Variants in KAT6B observed in about 807,000 individuals in gnomAD.
KAT6B encodes the protein histone acetyltransferase KAT6B.
KAT6B carries 10 observed loss-of-function variants against 187.5 expected under a neutral mutation model. The ratio of observed to expected loss-of-function variants is 0.05; its 90% confidence interval spans 0.03 to 0.09. KAT6B has a LOEUF of 0.09. Among genes scored for constraint, KAT6B ranks in the 10% least tolerant of loss-of-function variants. The pLI is 1.00. For synonymous variants in KAT6B, 861 were observed against 926.8 expected, an observed-to-expected ratio of 0.93 and a Z score of 1.29; for missense variants, 1,952 against 2,558.9, an observed-to-expected ratio of 0.76 and a Z score of 5.12.
Position 74,949,278 on chromosome 10 carries a change from G to A in KAT6B, c.622-10692G>A, listed in dbSNP as rs903420051. Among the ~76,000 whole-genome samples the A allele has an allele frequency of 3.3e-5, 5 of 152,174 alleles. 1 individual carries two copies. The highest frequency in any genetic ancestry group is 3.3e-4 in the Admixed American group (5 of 15,272). The stretch of plus-strand genomic sequence containing the variant: ...TCAGAAGATAAATCCAATACCTGCA[G>A]TTTCTAATGGCAGAAGTGGAGGAGA... On this transcript the variant is annotated intron_variant, in intron 3 of 17. Transcript: ENST00000287239.
At chr10:75,019,520 G>C (rs1845223145) in intron 13 of KAT6B, among the ~76,000 whole-genome samples, 1 of 152,204 alleles carries the variant, frequency 6.6e-6, no homozygotes, top group African/African-American at 2.4e-5. Flanking sequence ...GAAGAAAAAT[G>C]CTGAAGATTT....
chr10:74,933,002 C>T (rs1417704764), intron 3 of KAT6B, among the ~76,000 whole-genome samples: 1 of 152,200 alleles, frequency 6.6e-6, no homozygotes, highest in Non-Finnish European at 1.5e-5. Flanking sequence ...CAAGGAAAGA[C>T]TTTCTGCATA....
intron 3 of KAT6B, among the ~76,000 whole-genome samples, chr10:74,853,542 C>T (rs1056891143): frequency 3.3e-5 from 5 of 151,996 alleles, no homozygotes; most frequent in Admixed American, 6.6e-5. Context: ...AGTTCACACA[C>T]CTCGGCCTCC....
intron 3 of KAT6B, among the ~76,000 whole-genome samples, chr10:74,886,667 C>T (rs1845297717): frequency 6.6e-6 from 1 of 152,188 alleles, no homozygotes; most frequent in African/African-American, 2.4e-5. Flanking sequence ...ACATAGGCTG[C>T]ATCTGCTCCT....
At chr10:74,976,456 C>T (rs1315166331) in intron 8 of KAT6B, 126 bp downstream of exon 8, 2 of 807,364 alleles carry the variant, frequency 2.5e-6, no homozygotes, top group Non-Finnish European at 4.1e-6. Flanking sequence ...GTTCTCACTT[C>T]ACTTTCATAC....
At chr10:74,930,330 G>A (rs1031476506) in intron 3 of KAT6B, among the ~76,000 whole-genome samples, 6 of 152,162 alleles carry the variant, frequency 3.9e-5, no homozygotes, top group African/African-American at 9.7e-5. Context: ...TGAAGACAAC[G>A]TATTAAAGTT....
In KAT6B at chr10:74,959,857, T is replaced by G; in HGVS notation, c.622-113T>G. On this transcript the variant is annotated intron_variant, in intron 3 of 17. Coordinates refer to ENST00000287239, the MANE Select transcript of KAT6B (RefSeq NM_012330.4). ...TAAATACGTTATTTAGCAGTTTTTC[T>G]TTGTTAAAGAAAGAAGAAGCTTTAA... The G allele has an allele frequency of 4.0e-6, 3 of 742,198 alleles. No individual in the cohort carries two copies. In the South Asian group the frequency reaches 4.7e-5, roughly 12 times the overall value. 46.0% of individuals were successfully genotyped at this position (742,198 alleles called of 1,614,324 possible).
At chr10:74,940,274 T>C (rs1047133049) in intron 3 of KAT6B, among the ~76,000 whole-genome samples, 8 of 150,820 alleles carry the variant, frequency 5.3e-5, no homozygotes, top group East Asian at 3.9e-4. Context: ...TACATATTTT[T>C]CCCCTTTTTT....
rs181112055 is a variant in KAT6B, at chr10:75,017,890, C to G, written c.2630-2692C>G. On this transcript the variant is annotated intron_variant, in intron 13 of 17. Coordinates refer to ENST00000287239, the MANE Select transcript of KAT6B (RefSeq NM_012330.4). The stretch of plus-strand genomic sequence containing the variant: ...GAAATGTATCTTTGTTCATTTTGAT[C>G]GTTTTGATGGATTCTGTTTTCTCTT... Among the ~76,000 whole-genome samples the G allele has an allele frequency of 2.3e-3, 356 of 152,320 alleles. 1 individual carries two copies. Among genetic ancestry groups the G allele is most frequent in the Non-Finnish European group, 4.1e-3 (280 of 68,032 alleles).
At position 74,989,055 on chromosome 10, in the gene KAT6B, A is replaced by G. The variant is rs1842974321; in HGVS notation, c.2572A>G (p.Ile858Val). ...LCQQKYNVSC[I>V]MIMPQHQRQG... is the part of the protein sequence containing the mutation. ...CCAGCAGAAGTATAATGTCTCCTGC[A>G]TAATGATCATGCCCCAGCACCAAAG... Residue 858 changes from isoleucine to valine, a missense_variant, in exon 13 of 18, where the codon ATA becomes GTA. By Grantham distance (29) the Ile-to-Val change is conservative. Around this residue, in one of 9 missense-constraint regions of KAT6B, gnomAD observed 87 missense variants for 191.8 expected, o/e 0.45. Transcript: ENST00000287239. 1 of 1,613,974 alleles carries G rather than the reference A, an allele frequency of 6.2e-7. No homozygotes were observed. The highest frequency in any genetic ancestry group is 1.3e-5 in the African/African-American group (1 of 74,926).
At chr10:74,892,255 C>G (rs956236939) in intron 3 of KAT6B, among the ~76,000 whole-genome samples, 4 of 152,172 alleles carry the variant, frequency 2.6e-5, no homozygotes, top group African/African-American at 9.6e-5. Flanking sequence ...GTAGTCCCAG[C>G]TACTTGGGAG....
rs1271088103 is a variant in KAT6B, at chr10:74,842,855, A to G, written c.-3A>G. Reference sequence around the variant, plus strand: ...TTTGTGTTGAAGAAGTCATTTGTCAACCATGGTAAAACTTGCAAACCCACT... The same window carrying G: ...TTTGTGTTGAAGAAGTCATTTGTCAGCCATGGTAAAACTTGCAAACCCACT... On this transcript the variant is annotated 5_prime_UTR_variant, in exon 3 of 18. Transcript: ENST00000287239. The G allele has an allele frequency of 2.5e-6, 4 of 1,614,054 alleles. No homozygotes were observed. The South Asian group carries it at 4.4e-5, about 18-fold the overall frequency.
intron 13 of KAT6B, among the ~76,000 whole-genome samples, chr10:75,020,185 T>C (rs781772302): frequency 6.6e-6 from 1 of 152,228 alleles, no homozygotes; most frequent in Non-Finnish European, 1.5e-5. Flanking sequence ...TGCCCATTAA[T>C]GTTGGGGGTG....
chr10:74,925,601 A>AT (rs1235384675), intron 3 of KAT6B, among the ~76,000 whole-genome samples: 3 of 152,176 alleles, frequency 2.0e-5, no homozygotes, highest in Non-Finnish European at 2.9e-5. Context: ...TTGGATGAGT[A>AT]TTTGTTGTGA....
intron 3 of KAT6B, among the ~76,000 whole-genome samples, chr10:74,860,432 T>C (rs1221222240): frequency 6.6e-6 from 1 of 152,226 alleles, no homozygotes; most frequent in Non-Finnish European, 1.5e-5. Context: ...TAATTTTGCA[T>C]GAACTCTGAA....
intron 3 of KAT6B, among the ~76,000 whole-genome samples, chr10:74,873,841 A>G (rs1420829973): frequency 6.6e-6 from 1 of 152,076 alleles, no homozygotes; most frequent in Non-Finnish European, 1.5e-5. Flanking sequence ...TAATACAGGT[A>G]TTTATTTCAC....
intron 3 of KAT6B, among the ~76,000 whole-genome samples, chr10:74,925,409 C>T (rs1478330268): frequency 6.7e-6 from 1 of 149,092 alleles, no homozygotes; most frequent in Non-Finnish European, 1.5e-5. Context: ...CACCCCCACC[C>T]CCCTTTTTCC....
intron 3 of KAT6B, among the ~76,000 whole-genome samples, chr10:74,883,344 G>T (rs1277889853): frequency 1.3e-5 from 2 of 152,090 alleles, no homozygotes; most frequent in Non-Finnish European, 2.9e-5. Context: ...CAGCTCTTCT[G>T]GGACAATAGT....
At chr10:74,951,282 A>G (rs952139893) in intron 3 of KAT6B, among the ~76,000 whole-genome samples, 8 of 151,928 alleles carry the variant, frequency 5.3e-5, no homozygotes, top group African/African-American at 1.9e-4. Flanking sequence ...GGTGCGCACC[A>G]CCATGCCCAG....
Sources: allele counts gnomAD v4.1 joint callset (sites outside exome capture counted in the v4.1 genomes callset), GRCh38; gene constraint gnomAD v4.1.1; regional missense constraint gnomAD v4.1.1; transcripts MANE v1.5; gene names NCBI Gene and HGNC (gene_info 2026-07-23, HGNC 2026-07-21).